Variants in OR1J2 observed in about 807,000 individuals in gnomAD.
OR1J2 encodes the protein olfactory receptor family 1 subfamily J member 2, also known as olfactory receptor 1J2.
For missense variants in OR1J2, 304 were observed against 246.1 expected, an observed-to-expected ratio of 1.24 and a Z score of -1.57; for synonymous variants, 142 against 99.7, an observed-to-expected ratio of 1.42 and a Z score of -2.52.
chr9:122,452,339 C>T, the OR1J2 span, among the ~76,000 whole-genome samples: 1 of 152,162 alleles, frequency 6.6e-6, no homozygotes, highest in African/African-American at 2.4e-5. Context: ...AACTTTTTGA[C>T]ACTGTTGCTC....
At chr9:122,451,685 T>C in the OR1J2 span, among the ~76,000 whole-genome samples, 166 of 152,364 alleles carry the variant, frequency 1.1e-3, 2 homozygotes, top group African/African-American at 3.8e-3. Flanking sequence ...ACAAATTCTT[T>C]ATTACCTGTA....
the OR1J2 span, among the ~76,000 whole-genome samples, chr9:122,487,704 CT>C: frequency 2.0e-5 from 3 of 152,172 alleles, no homozygotes; most frequent in Non-Finnish European, 4.4e-5. Context: ...GAGTATCTCC[CT>C]TTACCTGCCT....
the OR1J2 span, chr9:122,567,518 C>G: frequency 6.8e-7 from 1 of 1,474,672 alleles, no homozygotes; most frequent in South Asian, 1.3e-5. Flanking sequence ...TGAGCAGATT[C>G]CACTTACGAG....
the OR1J2 span, among the ~76,000 whole-genome samples, chr9:122,531,664 A>G: frequency 1.3e-5 from 2 of 152,178 alleles, no homozygotes; most frequent in African/African-American, 4.8e-5. Flanking sequence ...TTTTTAAAAG[A>G]CCATTAGTCT....
At chr9:122,546,730 C>A in the OR1J2 span, among the ~76,000 whole-genome samples, 115,587 of 152,120 alleles carry the variant, frequency 0.76, 44,509 homozygotes, top group East Asian at 1. Context: ...TCATTTACGC[C>A]TGGAAAGTAC....
At chr9:122,553,924 G>A in the OR1J2 span, 1 of 1,613,914 alleles carries the variant, frequency 6.2e-7, no homozygotes, top group Admixed American at 1.7e-5. Context: ...GGAGGGAGAT[G>A]GAAGGCCTTC....
At chr9:122,503,035 G>A in the OR1J2 span, among the ~76,000 whole-genome samples, 1 of 152,124 alleles carries the variant, frequency 6.6e-6, no homozygotes, top group African/African-American at 2.4e-5. Context: ...TGCCTTAGTT[G>A]ATGTTTTAAG....
chr9:122,529,376 A>T, the OR1J2 span, among the ~76,000 whole-genome samples: 1 of 152,214 alleles, frequency 6.6e-6, no homozygotes, highest in Non-Finnish European at 1.5e-5. Context: ...TGAGGTTTTC[A>T]AAGGGACAGT....
chr9:122,533,193 A>G, the OR1J2 span, among the ~76,000 whole-genome samples: 41,746 of 151,878 alleles, frequency 0.27, 6,045 homozygotes, highest in East Asian at 0.53. Context: ...TTGGCACCAC[A>G]GGGTGGATAG....
chr9:122,509,551 T>C (rs1226500275), upstream of OR1J2, among the ~76,000 whole-genome samples: 1 of 152,228 alleles, frequency 6.6e-6, no homozygotes, highest in African/African-American at 2.4e-5. Context: ...TGATCTTTAC[T>C]TTCTCAACAT....
At chr9:122,549,848 T>A in the OR1J2 span, among the ~76,000 whole-genome samples, 1 of 152,196 alleles carries the variant, frequency 6.6e-6, no homozygotes, top group South Asian at 2.1e-4. Context: ...ATTTGTGATC[T>A]TTTTTGGTTC....
the OR1J2 span, among the ~76,000 whole-genome samples, chr9:122,504,284 G>T: frequency 6.6e-6 from 1 of 152,146 alleles, no homozygotes; most frequent in Non-Finnish European, 1.5e-5. Context: ...CTCTTCTATT[G>T]GAGTTTACCA....
At chr9:122,548,125 A>AT in the OR1J2 span, among the ~76,000 whole-genome samples, 1 of 152,178 alleles carries the variant, frequency 6.6e-6, no homozygotes, top group East Asian at 1.9e-4. Flanking sequence ...AATTTATTTA[A>AT]TACAAGTTTT....
chr9:122,520,274 C>G, the OR1J2 span, among the ~76,000 whole-genome samples: 5 of 152,312 alleles, frequency 3.3e-5, no homozygotes, highest in African/African-American at 9.6e-5. Context: ...GTTTATTTAT[C>G]TTGCCTATTA....
the OR1J2 span, among the ~76,000 whole-genome samples, chr9:122,535,142 T>C: frequency 3.2e-3 from 476 of 147,776 alleles, 2 homozygotes; most frequent in Non-Finnish European, 5.3e-3. Context: ...GGATGGGGGG[T>C]TCTTGCCCTC....
the OR1J2 span, among the ~76,000 whole-genome samples, chr9:122,493,507 C>T: frequency 1.6e-4 from 24 of 152,126 alleles, no homozygotes; most frequent in South Asian, 6.2e-4. Flanking sequence ...TCATAGTATC[C>T]TTGAATGATC....
the OR1J2 span, chr9:122,553,297 T>G: frequency 6.2e-7 from 1 of 1,614,018 alleles, no homozygotes; most frequent in Non-Finnish European, 8.5e-7. Flanking sequence ...GAGCAGCCTC[T>G]TCTGTTTGGC....
At chr9:122,480,875 A>G in the OR1J2 span, among the ~76,000 whole-genome samples, 1 of 151,902 alleles carries the variant, frequency 6.6e-6, no homozygotes, top group South Asian at 2.1e-4. Flanking sequence ...GCTCACTGCA[A>G]CCTCTGCCTC....
chr9:122,481,835 A>G, the OR1J2 span, among the ~76,000 whole-genome samples: 8 of 152,278 alleles, frequency 5.3e-5, no homozygotes, highest in South Asian at 1.7e-3. Flanking sequence ...CTAGACCCCT[A>G]TCCTTTATCA....
Sources: allele counts gnomAD v4.1 joint callset (sites outside exome capture counted in the v4.1 genomes callset), GRCh38; gene constraint gnomAD v4.1.1; transcripts MANE v1.5; gene names NCBI Gene and HGNC (gene_info 2026-07-23, HGNC 2026-07-21).